STAU2: variants seen among roughly 807,000 people sequenced by gnomAD.
The protein encoded by STAU2 is staufen double-stranded RNA binding protein 2.
Under a neutral mutation model 65.9 loss-of-function variants are expected in STAU2, and 20 were observed. The observed-to-expected ratio is 0.30, with a 90% CI of 0.21 to 0.44. The LOEUF is 0.44. STAU2 is among the 20% of genes least tolerant of loss of function. The pLI is 1.00. For synonymous variants in STAU2, 232 were observed against 233.9 expected (o/e 0.99, Z 0.07); for missense variants, 558 against 683.9 (o/e 0.82, Z 2.05).
intron 12 of STAU2, among the ~76,000 whole-genome samples, chr8:73,555,287 G>A (rs1194862692): frequency 1.3e-5 from 2 of 151,580 alleles, no homozygotes; most frequent in African/African-American, 4.9e-5. Context: ...GGGACCTGGA[G>A]GGTTTGTGTT....
At chr8:73,429,413 C>CT (rs71561522) in intron 13 of STAU2, among the ~76,000 whole-genome samples, 1,318 of 65,316 alleles carry the variant, frequency 0.02, 533 homozygotes, top group Non-Finnish European at 0.023. Flanking sequence ...TTGCTCAGGT[C>CT]TTTTTTTTTT....
chr8:73,747,000 G>A (rs1313719648), upstream of STAU2: 2 of 381,464 alleles, frequency 5.2e-6, no homozygotes, highest in South Asian at 1.1e-4. Flanking sequence ...ACGCCCGGCC[G>A]GCGCGCGCGC....
At chr8:73,517,133 C>A (rs1822779001) in intron 13 of STAU2, among the ~76,000 whole-genome samples, 1 of 151,980 alleles carries the variant, frequency 6.6e-6, no homozygotes, top group Non-Finnish European at 1.5e-5. Context: ...AATGAAGAAA[C>A]TGGGCAGGCA....
chr8:73,484,782 C>T (rs1385328298), intron 13 of STAU2, among the ~76,000 whole-genome samples: 4 of 151,978 alleles, frequency 2.6e-5, no homozygotes, highest in Non-Finnish European at 4.4e-5. Flanking sequence ...ATCAATCACT[C>T]GGCACTCCAT....
chr8:73,583,693 A>C (rs1347276308), intron 11 of STAU2, among the ~76,000 whole-genome samples: 2 of 152,166 alleles, frequency 1.3e-5, no homozygotes, highest in Non-Finnish European at 2.9e-5. Flanking sequence ...GACATATACA[A>C]AAAAATTGAA....
chr8:73,502,827 A>G (rs991883364), intron 13 of STAU2, among the ~76,000 whole-genome samples: 1 of 152,010 alleles, frequency 6.6e-6, no homozygotes, highest in African/African-American at 2.4e-5. Context: ...TCCATTTTTT[A>G]TACACATTTT....
chr8:73,546,914 T>A (rs1393596061), intron 13 of STAU2, among the ~76,000 whole-genome samples: 1 of 152,218 alleles, frequency 6.6e-6, no homozygotes, highest in African/African-American at 2.4e-5. Context: ...ATGTAATGCA[T>A]CTTTAGATGA....
intron 6 of STAU2, chr8:73,652,289 A>T (rs1160292669): frequency 6.6e-6 from 1 of 152,188 alleles, no homozygotes; most frequent in Non-Finnish European, 1.5e-5. Context: ...TCACTTTTTA[A>T]TTTTTTTAGA....
intron 5 of STAU2, among the ~76,000 whole-genome samples, chr8:73,681,535 G>C (rs989965766): frequency 1.3e-5 from 2 of 152,126 alleles, no homozygotes; most frequent in Non-Finnish European, 2.9e-5. Flanking sequence ...AAATCTCACA[G>C]GGCCTATAAA....
rs180940956 is a variant in STAU2, at chr8:73,744,287, A to G, written c.-197+2496T>C. Among the ~76,000 whole-genome samples, 487 of 152,210 alleles carry G rather than the reference A, an allele frequency of 3.2e-3. 3 individuals carry two copies. Among genetic ancestry groups the G allele is most frequent in the Non-Finnish European group, 3.1e-3 (208 of 68,008 alleles). On this transcript the variant is annotated intron_variant, in intron 1 of 14. Transcript: ENST00000524300. Reference sequence around the variant, plus strand: ...TAGACATCTAGTATTTTGTGTACCTATAAGAGGCACAAATATATCTATATG... The same window carrying G: ...TAGACATCTAGTATTTTGTGTACCTGTAAGAGGCACAAATATATCTATATG...
chr8:73,595,064 A>C (rs1811084561), intron 11 of STAU2, 102 bp downstream of exon 11: 2 of 1,029,516 alleles, frequency 1.9e-6, no homozygotes, highest in Admixed American at 2.8e-5. Flanking sequence ...GCCTCAGAAA[A>C]GTTAAAATTG....
At chr8:73,537,410 C>A (rs535454243) in intron 13 of STAU2, among the ~76,000 whole-genome samples, 1 of 152,272 alleles carries the variant, frequency 6.6e-6, no homozygotes, top group South Asian at 2.1e-4. Context: ...AGGATAAAAA[C>A]AAACAAATCA....
intron 13 of STAU2, among the ~76,000 whole-genome samples, chr8:73,505,225 A>T (rs16938686): frequency 0.01 from 1,537 of 152,162 alleles, 33 homozygotes; most frequent in African/African-American, 0.035. Context: ...AGGGCTAAAA[A>T]TGGCAGAAGA....
At position 73,449,680 on chromosome 8, in the gene STAU2, C is replaced by T. The variant is rs560375834; in HGVS notation, c.1531-26978G>A. 1.4e-4 allele frequency among the ~76,000 whole-genome samples: 21 copies of T among 152,322 alleles called. No individual in the cohort carries two copies. In the South Asian group the frequency reaches 2.5e-3, roughly 18 times the overall value. On this transcript the variant is annotated intron_variant, in intron 13 of 14. Transcript: ENST00000524300. ...GGGGCTGGGTGGGCAGTGGGACCACCGGCAAGAGGCCTGCAGGACAGATTA... is the reference window on the plus strand; with the variant it reads ...GGGGCTGGGTGGGCAGTGGGACCACTGGCAAGAGGCCTGCAGGACAGATTA...
chr8:73,569,684 A>G (rs1302683094), intron 12 of STAU2, among the ~76,000 whole-genome samples: 1 of 152,176 alleles, frequency 6.6e-6, no homozygotes, highest in Non-Finnish European at 1.5e-5. Context: ...CACTGGTGAT[A>G]CCCAGGCAAA....
intron 4 of STAU2, among the ~76,000 whole-genome samples, chr8:73,700,929 G>C (rs924225049): frequency 1.3e-5 from 2 of 151,892 alleles, no homozygotes; most frequent in African/African-American, 2.4e-5. Flanking sequence ...TAAACACACA[G>C]ACCAATGGAA....
chr8:73,508,284 G>A (rs1441629399), intron 13 of STAU2, among the ~76,000 whole-genome samples: 7 of 152,150 alleles, frequency 4.6e-5, no homozygotes, highest in Admixed American at 3.3e-4. Flanking sequence ...TCTTTCAGTT[G>A]AACACTTATA....
At chr8:73,602,873 A>G (rs1811741908) in intron 10 of STAU2, among the ~76,000 whole-genome samples, 1 of 152,218 alleles carries the variant, frequency 6.6e-6, no homozygotes, top group African/African-American at 2.4e-5. Flanking sequence ...TGAATATGTA[A>G]GGCTGAAATG....
chr8:73,651,371 T>C (rs1586194862), intron 6 of STAU2: 1 of 674,170 alleles, frequency 1.5e-6, no homozygotes, highest in Admixed American at 2.0e-5. Flanking sequence ...CCCTCTGGAG[T>C]GGAAGAGGCT....
Sources: allele counts gnomAD v4.1 joint callset (sites outside exome capture counted in the v4.1 genomes callset), GRCh38; gene constraint gnomAD v4.1.1; transcripts MANE v1.5; gene names NCBI Gene and HGNC (gene_info 2026-07-23, HGNC 2026-07-21).